Variants in ZDHHC14 observed in about 807,000 individuals in gnomAD.
The protein encoded by ZDHHC14 is palmitoyltransferase ZDHHC14.
Under a neutral mutation model 47.7 loss-of-function variants are expected in ZDHHC14, and 16 were observed. The ratio of observed to expected loss-of-function variants is 0.34; its 90% CI spans 0.23 to 0.51. The LOEUF is 0.51. ZDHHC14 is among the 20% of genes least tolerant of loss of function. The pLI is 0.97. For synonymous variants in ZDHHC14, 293 were observed against 278.9 expected (o/e 1.05, Z -0.50); for missense variants, 515 against 662.5 (o/e 0.78, Z 2.44).
At chr6:157,652,842 A>G (rs1777902634) in intron 7 of ZDHHC14, among the ~76,000 whole-genome samples, 1 of 152,172 alleles carries the variant, frequency 6.6e-6, no homozygotes, top group Non-Finnish European at 1.5e-5. Flanking sequence ...GGGGGCCACA[A>G]GATGAAGACT....
intron 8 of ZDHHC14, among the ~76,000 whole-genome samples, chr6:157,654,818 C>G (rs1562532041): frequency 1.3e-5 from 2 of 151,998 alleles, no homozygotes; most frequent in African/African-American, 4.8e-5. Flanking sequence ...TCACTGCAAC[C>G]TCTGCCTCCC....
chr6:157,500,567 G>A (rs1030158678), intron 1 of ZDHHC14, among the ~76,000 whole-genome samples: 2 of 152,172 alleles, frequency 1.3e-5, no homozygotes, highest in Non-Finnish European at 2.9e-5. Flanking sequence ...GAAGTAACTC[G>A]AATTAGGAGC....
Position 157,427,708 on chromosome 6 carries a change from G to A in ZDHHC14, c.245+45442G>A, listed in dbSNP as rs145876085. Among the ~76,000 whole-genome samples the A allele has an allele frequency of 2.4e-3, 369 of 152,262 alleles. No homozygotes were observed. Among genetic ancestry groups the A allele is most frequent in the African/African-American group, 8.4e-3 (350 of 41,530 alleles). ...GGCTTGGATTTTCTTTTCAGAAATG[G>A]CAGATGCGCTAGGGCTGTTCCTCCT... On this transcript the variant is annotated intron_variant, in intron 1 of 8. Transcript: ENST00000359775. The surrounding 1 kb of genome is among the most constrained non-coding windows in gnomAD (Gnocchi z 4.4).
intron 3 of ZDHHC14, among the ~76,000 whole-genome samples, chr6:157,605,821 G>T (rs865781097): frequency 6.6e-6 from 1 of 152,182 alleles, no homozygotes; most frequent in South Asian, 2.1e-4. Flanking sequence ...GGGGTAGGGG[G>T]CACGCAGGAG....
chr6:157,576,493 A>G (rs1210447202), intron 2 of ZDHHC14, among the ~76,000 whole-genome samples: 1 of 152,170 alleles, frequency 6.6e-6, no homozygotes, highest in Non-Finnish European at 1.5e-5. Flanking sequence ...TAAAGTAACC[A>G]TCTTCTTTCA....
rs935555939 is a variant in ZDHHC14 at position 157,675,765 on chromosome 6, A to G, written c.*2643A>G. 1 of 152,214 alleles carries G rather than the reference A, an allele frequency of 6.6e-6. No individual in the cohort carries two copies. Among genetic ancestry groups the G allele is most frequent in the African/African-American group, 2.4e-5 (1 of 41,452 alleles). The allele number at this position is 152,214 out of a possible 1,614,324, so 9.4% of individuals were successfully genotyped here. ...GACATGTACATAAATATAAATACTTATGTTTATAAATGTTGAATGGTTCCT... is the reference window on the plus strand; with the variant it reads ...GACATGTACATAAATATAAATACTTGTGTTTATAAATGTTGAATGGTTCCT... On this transcript the variant is annotated 3_prime_UTR_variant, in exon 9 of 9. Coordinates refer to ENST00000359775, the MANE Select transcript of ZDHHC14 (RefSeq NM_024630.3).
chr6:157,485,994 C>T (rs1779770845), intron 1 of ZDHHC14, among the ~76,000 whole-genome samples: 1 of 152,248 alleles, frequency 6.6e-6, no homozygotes, highest in Non-Finnish European at 1.5e-5. Context: ...CCCTGGGTGA[C>T]AGAGTGAAAC....
intron 2 of ZDHHC14, among the ~76,000 whole-genome samples, chr6:157,572,882 A>C (rs1207559831): frequency 6.6e-6 from 1 of 151,916 alleles, no homozygotes; most frequent in Non-Finnish European, 1.5e-5. Flanking sequence ...TTCTACTAAT[A>C]CTTCCATTGG....
intron 7 of ZDHHC14, among the ~76,000 whole-genome samples, chr6:157,652,439 C>G (rs1362910565): frequency 1.3e-5 from 2 of 152,138 alleles, no homozygotes; most frequent in African/African-American, 4.8e-5. Context: ...GTGCCTGGTC[C>G]CACACTGTGG....
intron 1 of ZDHHC14, among the ~76,000 whole-genome samples, chr6:157,395,618 A>ACC (rs1457922820): frequency 6.6e-6 from 1 of 152,118 alleles, no homozygotes; most frequent in African/African-American, 2.4e-5. Flanking sequence ...ACATGGTGAA[A>ACC]CCCTGTCTCT....
At chr6:157,524,416 G>A (rs1781083957) in intron 1 of ZDHHC14, among the ~76,000 whole-genome samples, 1 of 152,164 alleles carries the variant, frequency 6.6e-6, no homozygotes, top group Non-Finnish European at 1.5e-5. Context: ...TTATAGGCGT[G>A]AGCCACCACA....
At chr6:157,426,775 A>G (rs1278629924) in intron 1 of ZDHHC14, among the ~76,000 whole-genome samples, 10 of 152,196 alleles carry the variant, frequency 6.6e-5, no homozygotes, top group African/African-American at 2.2e-4. Flanking sequence ...GAGAGGGGCC[A>G]GCGTGAGGTT....
chr6:157,565,439 A>G lies in ZDHHC14; in HGVS notation c.406+22694A>G, dbSNP rs541135947. ...AATACAAAAAATTAGTTTATGGGGA[A>G]CATAGGCAAGTTACTTAGTGTTATT... On this transcript the variant is annotated intron_variant, in intron 2 of 8. Transcript: ENST00000359775. Among the ~76,000 whole-genome samples, 8 of 152,314 alleles carry G rather than the reference A, an allele frequency of 5.3e-5. No homozygotes were observed. The South Asian group carries it at 1.7e-3, about 32-fold the overall frequency.
At chr6:157,536,824 T>TAATGACCAATA (rs1425978075) in intron 1 of ZDHHC14, among the ~76,000 whole-genome samples, 2 of 89,630 alleles carry the variant, frequency 2.2e-5, no homozygotes, top group African/African-American at 6.6e-5. Context: ...TCTATCTTTT[T>TAATGACCAATA]TTTTTTTTTT....
At chr6:157,662,046 G>T (rs1306845909) in intron 8 of ZDHHC14, among the ~76,000 whole-genome samples, 2 of 152,032 alleles carry the variant, frequency 1.3e-5, no homozygotes, top group Non-Finnish European at 2.9e-5. Flanking sequence ...CTTTGTGCAT[G>T]GAGTAATGGA....
intron 1 of ZDHHC14, among the ~76,000 whole-genome samples, chr6:157,471,275 C>T (rs1380676581): frequency 6.6e-6 from 1 of 152,202 alleles, no homozygotes; most frequent in Non-Finnish European, 1.5e-5. Flanking sequence ...GCAGGAGGGG[C>T]TCAAAGATGT....
At chr6:157,643,194 G>A (rs774610105) in intron 5 of ZDHHC14, among the ~76,000 whole-genome samples, 43 of 152,334 alleles carry the variant, frequency 2.8e-4, no homozygotes, top group Middle Eastern at 6.8e-3. Flanking sequence ...TGATGCTGAC[G>A]GTTCCTTGAG....
At chr6:157,527,092 C>T (rs538696849) in intron 1 of ZDHHC14, among the ~76,000 whole-genome samples, 10 of 152,254 alleles carry the variant, frequency 6.6e-5, no homozygotes, top group African/African-American at 2.4e-4. Flanking sequence ...TCTATGGATC[C>T]TCCCACACAA....
intron 2 of ZDHHC14, among the ~76,000 whole-genome samples, chr6:157,559,379 C>A (rs868392509): frequency 6.6e-6 from 1 of 152,340 alleles, no homozygotes; most frequent in African/African-American, 2.4e-5. Context: ...CAGCTTTGCT[C>A]CCCAGCAAGT....
Sources: gnomAD v4.1 joint callset for allele counts (sites outside exome capture counted in the v4.1 genomes callset) on GRCh38, gnomAD v4.1.1 for gene constraint, Gnocchi (gnomAD v3.1) non-coding constraint, MANE v1.5 for transcripts, NCBI Gene and HGNC (gene_info 2026-07-23, HGNC 2026-07-21) for gene names.